The following FAM81A variants were observed in gnomAD, a reference collection of about 807,000 sequenced individuals.
The protein encoded by FAM81A is family with sequence similarity 81 member A.
In FAM81A, 19 loss-of-function variants were observed where a neutral mutation model predicts 46.7. The observed-to-expected ratio is 0.41, with a 90% CI of 0.28 to 0.60. The LOEUF is 0.60. Among genes scored for constraint, FAM81A ranks in the 20% least tolerant of loss-of-function variants. FAM81A has a pLI of 0.34. For missense variants in FAM81A, 377 were observed against 453.5 expected, an observed-to-expected ratio of 0.83 and a Z score of 1.53; for synonymous variants, 183 against 152.9, an observed-to-expected ratio of 1.20 and a Z score of -1.45.
intron 5 of FAM81A, among the ~76,000 whole-genome samples, chr15:59,508,016 A>C (rs1468828636): frequency 6.6e-6 from 1 of 152,260 alleles, no homozygotes; most frequent in Non-Finnish European, 1.5e-5. Context: ...TACTGGATTA[A>C]ATACATTTAT....
At chr15:59,502,333 TC>T (rs1297037598) in intron 4 of FAM81A, among the ~76,000 whole-genome samples, 26 of 150,080 alleles carry the variant, frequency 1.7e-4, no homozygotes, top group Non-Finnish European at 2.8e-4. Context: ...CCCTTCCCGC[TC>T]CCCCCCCAAC....
chr15:59,434,155 C>T (rs1239389838), upstream of FAM81A, among the ~76,000 whole-genome samples: 5 of 152,010 alleles, frequency 3.3e-5, no homozygotes, highest in African/African-American at 1.2e-4. Flanking sequence ...GTAACTGGCC[C>T]GATGAAACAT....
At chr15:59,449,265 G>A (rs2081387209) in intron 1 of FAM81A, among the ~76,000 whole-genome samples, 1 of 151,964 alleles carries the variant, frequency 6.6e-6, no homozygotes, top group Non-Finnish European at 1.5e-5. Context: ...TTTTTTAAGT[G>A]GGGGCAAGAA....
chr15:59,508,975 C>G lies in FAM81A; in HGVS notation c.650+6C>G, dbSNP rs771479496. On this transcript the variant is annotated splice_donor_region_variant and intron_variant, in intron 6 of 8. Coordinates refer to ENST00000288228, the MANE Select transcript of FAM81A (RefSeq NM_152450.3). ...CTTCAGCTTTTGGACACTAAGTAAG[C>G]AATCAATTTATTAAAAAAATAAAAC... 6.3e-7 allele frequency: 1 copy of G among 1,596,160 alleles called. No homozygotes were observed. Among genetic ancestry groups the G allele is most frequent in the South Asian group, 1.1e-5 (1 of 88,328 alleles).
rs2081258651 is a variant in FAM81A, at chr15:59,438,291, C to A, written c.-78+9C>A. On this transcript the variant is annotated intron_variant, in intron 1 of 8. Coordinates refer to ENST00000288228, the MANE Select transcript of FAM81A (RefSeq NM_152450.3). ...GCCCACCCCCCGCGCCGGTGAGTGC[C>A]GCGCTCTGGGAACCCCGGCCGGGCG... is the stretch of plus-strand genomic sequence containing the variant. 6.6e-6 allele frequency: 1 copy of A among 151,508 alleles called. No individual in the cohort carries two copies. The highest frequency in any genetic ancestry group is 1.5e-5 in the Non-Finnish European group (1 of 67,878). 9.4% of individuals were successfully genotyped at this position (151,508 alleles called of 1,614,324 possible). A position where few individuals can be genotyped will look rare whatever the true frequency, so the allele number is the denominator to read the frequency against.
At chr15:59,423,632 A>G (rs2081184113) in intron 2 of FAM81A, among the ~76,000 whole-genome samples, 1 of 152,232 alleles carries the variant, frequency 6.6e-6, no homozygotes, top group South Asian at 2.1e-4. Flanking sequence ...TTAGGAAGCA[A>G]TAAAATGGAT....
In FAM81A at chr15:59,501,572, A is replaced by G. The variant is rs117826034; in HGVS notation, c.414-5641A>G. On this transcript the variant is annotated intron_variant, in intron 4 of 8. Transcript: ENST00000288228. ...GTCATTGGGTTTGGTATGTTATGCT[A>G]CTATGTCATATGCTGACAGAGAAGT... Among the ~76,000 whole-genome samples, 1,388 of 152,310 alleles carry G rather than the reference A, an allele frequency of 9.1e-3. 8 individuals carry two copies. Among genetic ancestry groups the G allele is most frequent in the Non-Finnish European group, 0.012 (800 of 68,024 alleles).
intron 4 of FAM81A, among the ~76,000 whole-genome samples, chr15:59,505,693 C>A (rs2082141939): frequency 6.6e-6 from 1 of 152,180 alleles, no homozygotes; most frequent in Non-Finnish European, 1.5e-5. Context: ...CTTCTACCTT[C>A]TGAGTCTTGT....
intron 2 of FAM81A, among the ~76,000 whole-genome samples, chr15:59,412,786 T>C (rs2081127872): frequency 6.6e-6 from 1 of 151,714 alleles, no homozygotes; most frequent in South Asian, 2.1e-4. Context: ...CCATCTGCTG[T>C]GGAGTGGCCC....
chr15:59,416,224 C>T (rs1484011126), intron 2 of FAM81A, among the ~76,000 whole-genome samples: 1 of 152,174 alleles, frequency 6.6e-6, no homozygotes, highest in East Asian at 1.9e-4. Context: ...GAAAGGAAAA[C>T]ACAGTAATAA....
intron 3 of FAM81A, among the ~76,000 whole-genome samples, chr15:59,478,433 G>GA (rs2081801935): frequency 6.6e-6 from 1 of 152,186 alleles, no homozygotes; most frequent in Non-Finnish European, 1.5e-5. Flanking sequence ...ACTAACATGG[G>GA]AAAGCAGGGG....
At chr15:59,489,729 T>G (rs548264307) in intron 3 of FAM81A, among the ~76,000 whole-genome samples, 14 of 152,178 alleles carry the variant, frequency 9.2e-5, no homozygotes, top group African/African-American at 3.4e-4. Flanking sequence ...TGGAGCAGAA[T>G]AGAGAACCCA....
chr15:59,511,209 G>A (rs2082204554), intron 6 of FAM81A, among the ~76,000 whole-genome samples: 1 of 152,138 alleles, frequency 6.6e-6, no homozygotes, highest in Non-Finnish European at 1.5e-5. Flanking sequence ...TAAACAAACA[G>A]TAATATTAAA....
intron 1 of FAM81A, chr15:59,401,557 C>A: frequency 7.8e-6 from 6 of 770,800 alleles, no homozygotes; most frequent in Non-Finnish European, 1.2e-5. Flanking sequence ...TAGTAACCAC[C>A]CTCTTCCATG....
chr15:59,474,309 T>C (rs2081738293), intron 3 of FAM81A, among the ~76,000 whole-genome samples: 1 of 152,178 alleles, frequency 6.6e-6, no homozygotes, highest in African/African-American at 2.4e-5. Context: ...GGGTAATTTA[T>C]AAAGAACAGA....
chr15:59,445,374 C>A (rs1403576453), intron 1 of FAM81A: 3 of 152,106 alleles, frequency 2.0e-5, no homozygotes, highest in Non-Finnish European at 2.9e-5. Context: ...AATTGTTGAA[C>A]CGGGAAGATG....
intron 1 of FAM81A, among the ~76,000 whole-genome samples, chr15:59,449,714 G>A (rs987049275): frequency 3.5e-4 from 49 of 138,956 alleles, no homozygotes; most frequent in African/African-American, 1.2e-3. Context: ...CCCGGGAAGC[G>A]GAGCTTGCAG....
intron 5 of FAM81A, among the ~76,000 whole-genome samples, chr15:59,508,064 T>G (rs530895588): frequency 6.6e-6 from 1 of 152,280 alleles, no homozygotes; most frequent in South Asian, 2.1e-4. Context: ...AAGCTACTTA[T>G]GTGAAAAATA....
chr15:59,493,511 C>A (rs76009668), intron 4 of FAM81A, among the ~76,000 whole-genome samples: 12,412 of 152,198 alleles, frequency 0.082, 602 homozygotes, highest in African/African-American at 0.13. Context: ...TTGTTAGTCC[C>A]TGAATAAACC....
Sources: allele counts gnomAD v4.1 joint callset (sites outside exome capture counted in the v4.1 genomes callset), GRCh38; gene constraint gnomAD v4.1.1; transcripts MANE v1.5; gene names NCBI Gene and HGNC (gene_info 2026-07-23, HGNC 2026-07-21).